The following CAPS2 variants were observed in gnomAD, a reference collection of about 807,000 sequenced individuals.
CAPS2 encodes the protein calcyphosine 2, also known as calcyphosin-2.
CAPS2 carries 98 observed loss-of-function variants against 86.5 expected under a neutral mutation model. The ratio of observed to expected loss-of-function variants is 1.13; its 90% confidence interval spans 0.96 to 1.34. The LOEUF is 1.34. Among genes scored for constraint, CAPS2 ranks in the 40% most tolerant of loss-of-function variants. CAPS2 has a pLI of 0.00. For synonymous variants in CAPS2, 210 were observed against 225.1 expected, an observed-to-expected ratio of 0.93 and a Z score of 0.60; for missense variants, 729 against 686.8, an observed-to-expected ratio of 1.06 and a Z score of -0.69.
At chr12:75,276,665 A>T (rs1401469043), downstream of CAPS2, 1 of 824,472 alleles carries the variant, frequency 1.2e-6, no homozygotes, top group Non-Finnish European at 1.5e-6. Context: ...TTTCCTTAAA[A>T]TTCTCAACTT....
intron 2 of CAPS2, among the ~76,000 whole-genome samples, chr12:75,324,105 C>T (rs564671636): frequency 1.2e-4 from 19 of 152,196 alleles, no homozygotes; most frequent in African/African-American, 4.6e-4. Context: ...CCCCAAAATA[C>T]ACTGAAGAAA....
intron 1 of CAPS2, chr12:75,370,052 T>G (rs1289179137): frequency 7.2e-7 from 1 of 1,390,400 alleles, no homozygotes; most frequent in African/African-American, 1.4e-5. Flanking sequence ...ATTGAACTCT[T>G]AACTATTCTG....
intron 6 of CAPS2, among the ~76,000 whole-genome samples, chr12:75,314,489 A>G (rs1253659189): frequency 6.6e-6 from 1 of 152,162 alleles, no homozygotes; most frequent in Non-Finnish European, 1.5e-5. Flanking sequence ...TATGTCCTAT[A>G]TAAAGCTTAT....
chr12:75,325,191 T>C (rs1015680793), intron 2 of CAPS2, 48 bp downstream of exon 3: 12 of 1,505,780 alleles, frequency 8.0e-6, no homozygotes, highest in Non-Finnish European at 1.1e-5. Flanking sequence ...CAATGTATGT[T>C]ATATATGTGC....
chr12:75,314,820 T>C (rs1226859369), intron 6 of CAPS2, among the ~76,000 whole-genome samples: 1 of 151,980 alleles, frequency 6.6e-6, no homozygotes, highest in Non-Finnish European at 1.5e-5. Flanking sequence ...GGTTTATACT[T>C]TGTAGGAAAG....
chr12:75,309,282 C>T lies in CAPS2; in HGVS notation c.659+3566G>A, dbSNP rs534737963. On this transcript the variant is annotated intron_variant, in intron 7 of 16. Coordinates refer to ENST00000393284, the Ensembl canonical transcript of CAPS2. ...TCTCACAGAGCTCAGTCCGCTCCCC[C>T]ACTCCAAGAGTGTAATATTTCACTT... 2.6e-5 allele frequency among the ~76,000 whole-genome samples: 4 copies of T among 152,328 alleles called. No individual in the cohort carries two copies. The South Asian group carries it at 8.3e-4, about 32-fold the overall frequency.
Position 75,351,692 on chromosome 12 carries a change from G to A in CAPS2, c.-394-28470C>T, listed in dbSNP as rs896648478. 7.2e-5 allele frequency among the ~76,000 whole-genome samples: 11 copies of A among 151,994 alleles called. No individual in the cohort carries two copies. The East Asian group carries it at 1.2e-3, about 16-fold the overall frequency. Reference sequence around the variant, plus strand: ...CTCCTGAGTAGCTGGGATTAGAGGCGCTCCCCACCACACCCAGCTAATTTT... The same window carrying A: ...CTCCTGAGTAGCTGGGATTAGAGGCACTCCCCACCACACCCAGCTAATTTT... On this transcript the variant is annotated intron_variant, in intron 1 of 5. Transcript: ENST00000551829.
Position 75,286,148 on chromosome 12 carries a change from AAAT to A in CAPS2, c.1396-1071_1396-1069del, listed in dbSNP as rs144583317. Among the ~76,000 whole-genome samples, 11 of 152,186 alleles carry A rather than the reference AAAT, an allele frequency of 7.2e-5. No individual in the cohort carries two copies. The East Asian group carries it at 2.1e-3, about 29-fold the overall frequency. On this transcript the variant is annotated intron_variant, in intron 14 of 16. Coordinates refer to ENST00000393284, the Ensembl canonical transcript of CAPS2. ...TAAAATACCTAACAAGGTGCTTAGC[AAAT>A]AATAGGTACTCAAAAAACATCATCT...
chr12:75,350,471 G>T (rs371447344), intron 1 of CAPS2, among the ~76,000 whole-genome samples: 31 of 152,162 alleles, frequency 2.0e-4, no homozygotes, highest in African/African-American at 7.5e-4. Flanking sequence ...TGCCCCTCTG[G>T]GACAGAATGC....
chr12:75,279,887 C>G (rs1377628465), intron 16 of CAPS2, among the ~76,000 whole-genome samples: 1 of 151,768 alleles, frequency 6.6e-6, no homozygotes, highest in Non-Finnish European at 1.5e-5. Flanking sequence ...CTTTGTTTAC[C>G]AGCCATACTT....
At chr12:75,325,403 A>T (rs1260100114) in intron 1 of CAPS2, 115 bp from the exon 3 acceptor site, 1 of 862,886 alleles carries the variant, frequency 1.2e-6, no homozygotes, top group Non-Finnish European at 1.7e-6. Context: ...TTCTCAGTAA[A>T]TTCTATATAA....
chr12:75,365,510 T>C (rs2043905222), intron 1 of CAPS2, among the ~76,000 whole-genome samples: 1 of 152,150 alleles, frequency 6.6e-6, no homozygotes, highest in Non-Finnish European at 1.5e-5. Context: ...AACCTTTGAA[T>C]GAAACAAACA....
chr12:75,339,374 GT>G (rs928035068), intron 1 of CAPS2, among the ~76,000 whole-genome samples: 3 of 151,808 alleles, frequency 2.0e-5, no homozygotes, highest in Non-Finnish European at 2.9e-5. Flanking sequence ...TTTTTCATTT[GT>G]TTTTTTGGCC....
At chr12:75,334,638 A>G, upstream of CAPS2, 3 of 1,537,552 alleles carry the variant, frequency 2.0e-6, no homozygotes, top group Non-Finnish European at 1.7e-6. Flanking sequence ...GCCAAGGGAG[A>G]GCGTGGTGCG....
At chr12:75,384,975 A>C (rs180975026) in intron 1 of CAPS2, among the ~76,000 whole-genome samples, 4 of 152,324 alleles carry the variant, frequency 2.6e-5, no homozygotes, top group Admixed American at 2.6e-4. Flanking sequence ...TCATAGATTA[A>C]TGGATTAATA....
chr12:75,359,084 C>T (rs2043367686), intron 1 of CAPS2, among the ~76,000 whole-genome samples: 1 of 150,304 alleles, frequency 6.7e-6, no homozygotes, highest in South Asian at 2.1e-4. Flanking sequence ...CAAAACTCAT[C>T]TAAAACAAAT....
At chr12:75,324,249 C>G (rs1336390710) in intron 2 of CAPS2, among the ~76,000 whole-genome samples, 1 of 152,098 alleles carries the variant, frequency 6.6e-6, no homozygotes, top group Non-Finnish European at 1.5e-5. Flanking sequence ...CATAGGTTAG[C>G]TAGAGATACA....
chr12:75,326,557 G>A, upstream of CAPS2: 1 of 949,950 alleles, frequency 1.1e-6, no homozygotes, highest in Non-Finnish European at 1.6e-6. Context: ...AATGTTAAAT[G>A]GTAATTCTTA....
At chr12:75,322,575 A>G (rs1404539159) in intron 4 of CAPS2, among the ~76,000 whole-genome samples, 1 of 152,200 alleles carries the variant, frequency 6.6e-6, no homozygotes, top group African/African-American at 2.4e-5. Flanking sequence ...TGAGCAAAAC[A>G]CTAGATATGT....
Sources: allele counts gnomAD v4.1 joint callset (sites outside exome capture counted in the v4.1 genomes callset), GRCh38; gene constraint gnomAD v4.1.1; transcripts MANE v1.5; gene names NCBI Gene and HGNC (gene_info 2026-07-23, HGNC 2026-07-21).